Variants in MPZL1 observed in about 807,000 individuals in gnomAD.
MPZL1 encodes the protein myelin protein zero-like protein 1.
A neutral mutation model predicts 29.3 loss-of-function variants in MPZL1; 16 were observed. That is an observed-to-expected ratio of 0.55 (90% CI 0.37 to 0.83). The LOEUF (loss-of-function observed/expected upper bound fraction) is 0.83. MPZL1 is among the 40% of genes least tolerant of loss of function. MPZL1 has a pLI of 0.00. For synonymous variants in MPZL1, 143 were observed against 132.0 expected, an observed-to-expected ratio of 1.08 and a Z score of -0.57; for missense variants, 279 against 332.9, an observed-to-expected ratio of 0.84 and a Z score of 1.26.
Position 167,739,274 on chromosome 1 carries a change from C to CATATATATATATATAT in MPZL1, c.91+17039_91+17040insTATATATATATATATA, listed in dbSNP as rs201991698. Among the ~76,000 whole-genome samples, 74 of 83,218 alleles carry CATATATATATATATAT rather than the reference C, an allele frequency of 8.9e-4. 1 individual carries two copies. The highest frequency in any genetic ancestry group is 5.4e-3 in the Admixed American group (44 of 8,158). 54.6% of individuals were successfully genotyped at this position (83,218 alleles called of 152,430 possible). ...ACTAATACATACACATACATATATACATATATACATATATATATATATATA... is the reference window on the plus strand; with the variant it reads ...ACTAATACATACACATACATATATACATATATATATATATATATATATACATATATATATATATATA... On this transcript the variant is annotated intron_variant, in intron 1 of 5. Transcript: ENST00000359523.
rs140507543 is a variant in MPZL1 at position 167,785,858 on chromosome 1, T to C, written c.709-1962T>C. On this transcript the variant is annotated intron_variant, in intron 5 of 5. Transcript: ENST00000359523. ...CCCGGGCTGAAGTGCAGTGGCGCTA[T>C]CTTGGCTCACTGTAAGCTCCGCCTC... is the stretch of plus-strand genomic sequence containing the variant. Among the ~76,000 whole-genome samples the C allele has an allele frequency of 3.6e-4, 55 of 152,336 alleles. 2 individuals carry two copies. The East Asian group carries it at 9.7e-3, about 27-fold the overall frequency.
At chr1:167,754,107 C>T (rs929377975) in intron 1 of MPZL1, among the ~76,000 whole-genome samples, 30 of 152,050 alleles carry the variant, frequency 2.0e-4, no homozygotes, top group African/African-American at 7.2e-4. Context: ...AAGCAATCCT[C>T]CCCGCTCAGC....
intron 1 of MPZL1, among the ~76,000 whole-genome samples, chr1:167,749,881 A>C (rs1660721039): frequency 6.6e-6 from 1 of 152,246 alleles, no homozygotes; most frequent in African/African-American, 2.4e-5. Context: ...AGCTGGCCTG[A>C]TCTGCATGGA....
At position 167,790,601 on chromosome 1, in the gene MPZL1, C is replaced by T. The variant is rs8623; in HGVS notation, c.*2680C>T. The T allele has an allele frequency of 0.057, 8,740 of 152,268 alleles. 386 individuals are homozygous for T. Among genetic ancestry groups the T allele is most frequent in the Non-Finnish European group, 0.097 (6,581 of 68,014 alleles). The allele number at this position is 152,268 out of a possible 1,614,324, so 9.4% of individuals were successfully genotyped here. A position where few individuals can be genotyped will look rare whatever the true frequency, so the allele number is the denominator to read the frequency against. On this transcript the variant is annotated 3_prime_UTR_variant, in exon 6 of 6. Coordinates refer to ENST00000359523, the MANE Select transcript of MPZL1 (RefSeq NM_003953.6). The stretch of plus-strand genomic sequence containing the variant: ...AGGTTGCCTAAAGGGCAGATCTGCC[C>T]TCTCCATGTCTTCGTCCTGGCAAAC...
At chr1:167,739,310 C>CATATATATATATACATATATATATATAT (rs68082264) in intron 1 of MPZL1, among the ~76,000 whole-genome samples, 1 of 101,372 alleles carries the variant, frequency 9.9e-6, no homozygotes, top group African/African-American at 5.0e-5. Context: ...TATATATATA[C>CATATATATATATACATATATATATATAT]ACATATATAT....
intron 1 of MPZL1, among the ~76,000 whole-genome samples, chr1:167,748,715 T>C (rs1451682548): frequency 6.6e-6 from 1 of 152,180 alleles, no homozygotes; most frequent in Non-Finnish European, 1.5e-5. Flanking sequence ...CAGAGCTTAC[T>C]CCTATGTTTT....
chr1:167,743,984 C>T (rs1189178845), intron 1 of MPZL1, among the ~76,000 whole-genome samples: 1 of 151,900 alleles, frequency 6.6e-6, no homozygotes, highest in Non-Finnish European at 1.5e-5. Flanking sequence ...TGTCCTATTC[C>T]AGTTCTCAGA....
intron 5 of MPZL1, among the ~76,000 whole-genome samples, chr1:167,780,793 G>A (rs182515266): frequency 7.9e-5 from 12 of 152,252 alleles, no homozygotes; most frequent in Admixed American, 3.3e-4. Context: ...TGAAAATATC[G>A]TAGAGATTGG....
chr1:167,764,517 A>G (rs2101781350), intron 1 of MPZL1, among the ~76,000 whole-genome samples: 1 of 152,334 alleles, frequency 6.6e-6, no homozygotes, highest in Non-Finnish European at 1.5e-5. Context: ...CAAAACATGC[A>G]TTTTTCTTCC....
Position 167,737,356 on chromosome 1 carries a change from C to T in MPZL1, c.91+15114C>T, listed in dbSNP as rs547290534. ...GAGCAGGGTAGTAATCAGTCCTCAA[C>T]TTTGTACTGTAGACACTGGATTTGA... On this transcript the variant is annotated intron_variant, in intron 1 of 5. Coordinates refer to ENST00000359523, the MANE Select transcript of MPZL1 (RefSeq NM_003953.6). Among the ~76,000 whole-genome samples the T allele has an allele frequency of 1.3e-3, 205 of 152,286 alleles. 1 individual carries two copies. Among genetic ancestry groups the T allele is most frequent in the African/African-American group, 4.8e-3 (198 of 41,538 alleles).
At chr1:167,772,249 C>G in intron 2 of MPZL1, 26 bp from the exon 3 acceptor site, 1 of 1,559,408 alleles carries the variant, frequency 6.4e-7, no homozygotes, top group South Asian at 1.1e-5. Flanking sequence ...GAGAATAGTT[C>G]ATGTGTTCCT....
At chr1:167,773,164 T>C in intron 3 of MPZL1, 72 bp from the exon 4 acceptor site, 1 of 1,487,800 alleles carries the variant, frequency 6.7e-7, no homozygotes, top group South Asian at 1.2e-5. Flanking sequence ...TACTTGCTCG[T>C]TAATTTAATA....
chr1:167,758,169 A>G (rs1042044123), intron 1 of MPZL1, among the ~76,000 whole-genome samples: 1 of 152,022 alleles, frequency 6.6e-6, no homozygotes, highest in Non-Finnish European at 1.5e-5. Context: ...AAAAAAAAAA[A>G]AGATAAGGTT....
Position 167,744,567 on chromosome 1 carries a change from C to G in MPZL1, c.92-21016C>G, listed in dbSNP as rs905859650. ...GCCATGGTCGTGTGCGTCTATAATC[C>G]CAGCTACTTGGGAGGCTGAGGCAGG... On this transcript the variant is annotated intron_variant, in intron 1 of 5. Coordinates refer to ENST00000359523, the MANE Select transcript of MPZL1 (RefSeq NM_003953.6). 2.6e-5 allele frequency among the ~76,000 whole-genome samples: 4 copies of G among 151,542 alleles called. No individual in the cohort carries two copies. The South Asian group carries it at 8.3e-4, about 32-fold the overall frequency.
rs1435447819 is a variant in MPZL1 at position 167,787,989 on chromosome 1, C to G, written c.*68C>G. Reference sequence around the variant, plus strand: ...CTGGACTCTCGTGCAGAAAATGTAGCCCATTACCACATGTAGCCTTGGAGA... The same window carrying G: ...CTGGACTCTCGTGCAGAAAATGTAGGCCATTACCACATGTAGCCTTGGAGA... On this transcript the variant is annotated 3_prime_UTR_variant, in exon 6 of 6. Coordinates refer to ENST00000359523, the MANE Select transcript of MPZL1 (RefSeq NM_003953.6). 3 of 1,314,196 alleles carry G rather than the reference C, an allele frequency of 2.3e-6. No individual in the cohort carries two copies. In the African/African-American group the frequency reaches 4.4e-5, roughly 19 times the overall value. The allele number at this position is 1,314,196 out of a possible 1,614,324, so 81.4% of individuals were successfully genotyped here.
At chr1:167,734,028 G>A (rs1006229146) in intron 1 of MPZL1, among the ~76,000 whole-genome samples, 10 of 152,220 alleles carry the variant, frequency 6.6e-5, no homozygotes, top group Admixed American at 3.3e-4. Context: ...AGGCCAAGGC[G>A]GACGGATCAT....
intron 1 of MPZL1, among the ~76,000 whole-genome samples, chr1:167,734,500 T>C (rs1029974516): frequency 6.8e-5 from 10 of 147,438 alleles, no homozygotes; most frequent in African/African-American, 2.7e-4. Context: ...CTAACCCAAC[T>C]TGACGTTCCC....
intron 5 of MPZL1, among the ~76,000 whole-genome samples, chr1:167,777,717 T>C (rs1350182577): frequency 6.6e-6 from 1 of 152,110 alleles, no homozygotes; most frequent in Non-Finnish European, 1.5e-5. Context: ...ATGCAGTAGG[T>C]TGCACAATGC....
At chr1:167,766,386 G>A (rs1661115044) in intron 2 of MPZL1, among the ~76,000 whole-genome samples, 1 of 152,166 alleles carries the variant, frequency 6.6e-6, no homozygotes, top group African/African-American at 2.4e-5. Flanking sequence ...GACTATCTTG[G>A]TTCTGGTCTG....
Sources: gnomAD v4.1 joint callset for allele counts (sites outside exome capture counted in the v4.1 genomes callset) on GRCh38, gnomAD v4.1.1 for gene constraint, MANE v1.5 for transcripts, NCBI Gene and HGNC (gene_info 2026-07-23, HGNC 2026-07-21) for gene names.